Variants in FHIT observed in about 807,000 individuals in gnomAD.
The protein encoded by FHIT is fragile histidine triad diadenosine triphosphatase, also known as bis(5'-adenosyl)-triphosphatase.
A neutral mutation model predicts 17.9 loss-of-function variants in FHIT; 19 were observed. The ratio of observed to expected loss-of-function variants is 1.06; its 90% CI spans 0.74 to 1.56. The LOEUF (loss-of-function observed/expected upper bound fraction) is 1.56, where lower values mean the gene tolerates loss of function less well. Ranked by LOEUF, FHIT falls within the 40% of genes most tolerant of loss-of-function variation. The probability of loss-of-function intolerance (pLI) is 0.00; values close to 1 mark genes in which losing one functional copy is unlikely to be tolerated. For missense variants in FHIT, 248 were observed against 189.2 expected (o/e 1.31, Z -1.82); for synonymous variants, 81 against 69.7 (o/e 1.16, Z -0.81).
intron 2 of FHIT, among the ~76,000 whole-genome samples, chr3:61,064,837 C>A (rs2034546811): frequency 6.6e-6 from 1 of 152,172 alleles, no homozygotes; most frequent in African/African-American, 2.4e-5. Context: ...TGACCCTTGA[C>A]TCCCCAAAGG....
At chr3:60,592,551 C>G (rs1246357748) in intron 4 of FHIT, among the ~76,000 whole-genome samples, 1 of 152,092 alleles carries the variant, frequency 6.6e-6, no homozygotes, top group African/African-American at 2.4e-5. Context: ...GGTTCTTATT[C>G]TCCTAGCCCA....
intron 7 of FHIT, among the ~76,000 whole-genome samples, chr3:59,929,101 G>A (rs1017664319): frequency 2.0e-4 from 30 of 151,286 alleles, no homozygotes; most frequent in Admixed American, 1.9e-3. Context: ...AAAATGGTAC[G>A]GCTGCTTTAG....
At chr3:61,230,465 G>A (rs1473767977) in intron 1 of FHIT, among the ~76,000 whole-genome samples, 1 of 152,158 alleles carries the variant, frequency 6.6e-6, no homozygotes, top group Non-Finnish European at 1.5e-5. Context: ...GCAGATGCCA[G>A]CACCATGCTT....
intron 5 of FHIT, among the ~76,000 whole-genome samples, chr3:60,404,409 C>T (rs924777450): frequency 2.6e-5 from 4 of 152,140 alleles, no homozygotes; most frequent in Admixed American, 2.6e-4. Flanking sequence ...GTATGTACTA[C>T]TCAGTTGTCT....
At chr3:59,967,980 T>C (rs1708006745) in intron 7 of FHIT, among the ~76,000 whole-genome samples, 1 of 152,134 alleles carries the variant, frequency 6.6e-6, no homozygotes, top group Non-Finnish European at 1.5e-5. Flanking sequence ...TCTCTCACAA[T>C]ACCTTTGCGA....
At chr3:60,041,080 A>G (rs1701418874) in intron 5 of FHIT, among the ~76,000 whole-genome samples, 1 of 152,218 alleles carries the variant, frequency 6.6e-6, no homozygotes, top group Admixed American at 6.5e-5. Flanking sequence ...CTACTGATGC[A>G]TTTAAAATTA....
chr3:60,330,713 G>A (rs1366904021), intron 5 of FHIT, among the ~76,000 whole-genome samples: 1 of 152,184 alleles, frequency 6.6e-6, no homozygotes, highest in African/African-American at 2.4e-5. Flanking sequence ...CTTTACAGAA[G>A]TGAAAGACTG....
At chr3:61,097,483 G>A (rs572209903) in intron 2 of FHIT, among the ~76,000 whole-genome samples, 1 of 152,216 alleles carries the variant, frequency 6.6e-6, no homozygotes, top group African/African-American at 2.4e-5. Context: ...GGGATTGCTG[G>A]GTTGAATGGT....
rs1559644017 is a variant in FHIT at position 60,114,001 on chromosome 3, C to CAAAAA, written c.104-99850_104-99849insTTTTT. ...TGGGCAATAGAACAAGACCCCGTCT[C>CAAAAA]CAAAAAAAAAAAAAAAAAAAAAAAA... On this transcript the variant is annotated intron_variant, in intron 5 of 9. Coordinates refer to ENST00000492590, the MANE Select transcript of FHIT (RefSeq NM_002012.4). Among the ~76,000 whole-genome samples the CAAAAA allele has an allele frequency of 6.7e-4, 12 of 17,918 alleles. 5 individuals carry two copies. The highest frequency in any genetic ancestry group is 1.4e-3 in the African/African-American group (3 of 2,164). The allele number at this position is 17,918 out of a possible 152,430, so 11.8% of individuals were successfully genotyped here.
rs373725806 is a variant in FHIT at position 60,385,344 on chromosome 3, G to T, written c.103+151516C>A. On this transcript the variant is annotated intron_variant, in intron 5 of 9. Transcript: ENST00000492590. The stretch of plus-strand genomic sequence containing the variant: ...ATCACCCACAAAATGCAGTATACAT[G>T]GCTTTGTGTATACAACTGTTAAGTG... Among the ~76,000 whole-genome samples, 8 of 152,270 alleles carry T rather than the reference G, an allele frequency of 5.3e-5. No homozygotes were observed. The South Asian group carries it at 1.5e-3, about 28-fold the overall frequency.
chr3:60,202,488 T>G (rs988472524), intron 5 of FHIT, among the ~76,000 whole-genome samples: 1 of 152,180 alleles, frequency 6.6e-6, no homozygotes, highest in African/African-American at 2.4e-5. Flanking sequence ...CAGGCACTAG[T>G]TGGCATTAAT....
intron 2 of FHIT, among the ~76,000 whole-genome samples, chr3:61,057,394 T>C (rs945802075): frequency 1.3e-5 from 2 of 152,148 alleles, no homozygotes; most frequent in Non-Finnish European, 2.9e-5. Context: ...TTACTCAAGG[T>C]TGGTCACAGT....
intron 5 of FHIT, among the ~76,000 whole-genome samples, chr3:60,096,083 C>T (rs752068923): frequency 6.6e-6 from 1 of 152,218 alleles, no homozygotes; most frequent in Admixed American, 6.5e-5. Flanking sequence ...GACACCCTGC[C>T]CAGGCCTCAC....
At chr3:60,452,469 C>T (rs1461664108) in intron 5 of FHIT, among the ~76,000 whole-genome samples, 3 of 151,980 alleles carry the variant, frequency 2.0e-5, no homozygotes, top group African/African-American at 4.8e-5. Context: ...CATGCATCAC[C>T]GTTATAGTCA....
At chr3:60,368,986 T>C (rs1700218467) in intron 5 of FHIT, among the ~76,000 whole-genome samples, 6 of 151,976 alleles carry the variant, frequency 3.9e-5, no homozygotes, top group Admixed American at 3.9e-4. Context: ...TCTTTGTTTT[T>C]TTTTCCTGAG....
chr3:60,470,174 C>T (rs937370982), intron 5 of FHIT, among the ~76,000 whole-genome samples: 2 of 151,988 alleles, frequency 1.3e-5, no homozygotes, highest in Non-Finnish European at 2.9e-5. Flanking sequence ...GCCAGCCTAA[C>T]ACTGGGTCTC....
At chr3:60,530,716 G>A (rs2035745710) in intron 5 of FHIT, among the ~76,000 whole-genome samples, 1 of 152,130 alleles carries the variant, frequency 6.6e-6, no homozygotes, top group Non-Finnish European at 1.5e-5. Flanking sequence ...TCTTTAGATG[G>A]CAAGTCAAGA....
intron 8 of FHIT, among the ~76,000 whole-genome samples, chr3:59,861,451 A>T (rs1233625400): frequency 3.9e-5 from 6 of 152,234 alleles, no homozygotes; most frequent in Admixed American, 3.9e-4. Flanking sequence ...GGAAGGGCTC[A>T]GTGCAAACTT....
intron 5 of FHIT, among the ~76,000 whole-genome samples, chr3:60,201,199 G>C (rs1354479962): frequency 1.3e-5 from 2 of 152,040 alleles, no homozygotes; most frequent in African/African-American, 4.8e-5. Flanking sequence ...TTCCACTGCT[G>C]ATTTTACCAA....
Sources: gnomAD v4.1 joint callset for allele counts (sites outside exome capture counted in the v4.1 genomes callset) on GRCh38, gnomAD v4.1.1 for gene constraint, MANE v1.5 for transcripts, NCBI Gene and HGNC (gene_info 2026-07-23, HGNC 2026-07-21) for gene names.